The following ABTB3 variants were observed in gnomAD, a reference collection of about 807,000 sequenced individuals.
The protein encoded by ABTB3 is ankyrin repeat- and BTB/POZ domain-containing protein 3.
At chr12:107,487,366 G>A in the ABTB3 span, among the ~76,000 whole-genome samples, 1 of 152,134 alleles carries the variant, frequency 6.6e-6, no homozygotes, top group Non-Finnish European at 1.5e-5. Context: ...CTAAGCTTAC[G>A]GGGTTGGAGG....
chr12:107,631,783 A>T, the ABTB3 span, among the ~76,000 whole-genome samples: 1 of 152,172 alleles, frequency 6.6e-6, no homozygotes, highest in Non-Finnish European at 1.5e-5. Context: ...GAAACCCTGG[A>T]GAGAAAGACA....
chr12:107,556,164 G>C, the ABTB3 span, among the ~76,000 whole-genome samples: 1 of 150,596 alleles, frequency 6.6e-6, no homozygotes, highest in African/African-American at 2.4e-5. Context: ...GTGCGATCTC[G>C]GCTCACCGCA....
chr12:107,401,556 G>A, the ABTB3 span, among the ~76,000 whole-genome samples: 2 of 152,330 alleles, frequency 1.3e-5, no homozygotes, highest in African/African-American at 4.8e-5. Context: ...ACAGTAGTGA[G>A]TGCTCCCATG....
chr12:107,555,118 T>C, the ABTB3 span, among the ~76,000 whole-genome samples: 2 of 152,134 alleles, frequency 1.3e-5, no homozygotes, highest in African/African-American at 4.8e-5. Context: ...GCTTCGAGCA[T>C]CCCAATTTAA....
At chr12:107,357,940 CAT>C in the ABTB3 span, among the ~76,000 whole-genome samples, 5 of 152,248 alleles carry the variant, frequency 3.3e-5, no homozygotes, top group East Asian at 1.9e-4. Flanking sequence ...AAAAAAATTA[CAT>C]GTCTCCAAAA....
chr12:107,436,686 G>C, the ABTB3 span, among the ~76,000 whole-genome samples: 1 of 152,182 alleles, frequency 6.6e-6, no homozygotes, highest in African/African-American at 2.4e-5. Context: ...TATCCAGAGG[G>C]TGAGCGAGTT....
chr12:107,375,665 G>A, the ABTB3 span, among the ~76,000 whole-genome samples: 83 of 152,204 alleles, frequency 5.5e-4, no homozygotes, highest in East Asian at 0.015. Context: ...AGTGATGTTC[G>A]TTACTTACCT....
chr12:107,342,956 C>T, the ABTB3 span, among the ~76,000 whole-genome samples: 1 of 152,102 alleles, frequency 6.6e-6, no homozygotes, highest in Admixed American at 6.5e-5. Context: ...TATGACCTGC[C>T]CCTCCATTGG....
the ABTB3 span, among the ~76,000 whole-genome samples, chr12:107,366,311 C>T: frequency 1.3e-5 from 2 of 152,128 alleles, no homozygotes; most frequent in African/African-American, 2.4e-5. Flanking sequence ...GAGAAAGCAT[C>T]GTACATAAGG....
the ABTB3 span, among the ~76,000 whole-genome samples, chr12:107,590,828 G>A: frequency 1.3e-5 from 2 of 152,290 alleles, no homozygotes; most frequent in Admixed American, 1.3e-4. Context: ...CTGGGAAACA[G>A]GGATTTATTG....
At chr12:107,337,143 TGA>T in the ABTB3 span, among the ~76,000 whole-genome samples, 1 of 152,268 alleles carries the variant, frequency 6.6e-6, no homozygotes, top group Non-Finnish European at 1.5e-5. Flanking sequence ...ATCTTAGAGC[TGA>T]GAGAAGCTTC....
At chr12:107,562,063 A>T in the ABTB3 span, among the ~76,000 whole-genome samples, 1 of 152,178 alleles carries the variant, frequency 6.6e-6, no homozygotes, top group East Asian at 1.9e-4. Flanking sequence ...CCTTGAGTTC[A>T]CTGGGTACTG....
chr12:107,342,049 G>T, the ABTB3 span, among the ~76,000 whole-genome samples: 1 of 152,112 alleles, frequency 6.6e-6, no homozygotes, highest in African/African-American at 2.4e-5. Context: ...CCAGTCTCAG[G>T]TATTTATTAA....
At chr12:107,335,654 C>T in the ABTB3 span, among the ~76,000 whole-genome samples, 1 of 152,130 alleles carries the variant, frequency 6.6e-6, no homozygotes, top group African/African-American at 2.4e-5. Context: ...TCTGGCATCC[C>T]ATGAGGCTCT....
the ABTB3 span, among the ~76,000 whole-genome samples, chr12:107,485,601 A>T: frequency 6.6e-6 from 1 of 152,118 alleles, no homozygotes; most frequent in Non-Finnish European, 1.5e-5. Flanking sequence ...GAAATGAATA[A>T]CCCCAACCTT....
At chr12:107,411,145 C>CA in the ABTB3 span, among the ~76,000 whole-genome samples, 2 of 151,982 alleles carry the variant, frequency 1.3e-5, no homozygotes, top group South Asian at 4.2e-4. Context: ...ACTAAAAATA[C>CA]AAAAAAAATC....
the ABTB3 span, among the ~76,000 whole-genome samples, chr12:107,347,353 C>A: frequency 6.6e-6 from 1 of 152,062 alleles, no homozygotes; most frequent in Admixed American, 6.5e-5. Flanking sequence ...CTTTGAGAAT[C>A]TTTCAGTTAA....
chr12:107,618,065 G>A, the ABTB3 span: 2 of 1,207,676 alleles, frequency 1.7e-6, no homozygotes, highest in Non-Finnish European at 2.3e-6. Flanking sequence ...TCCCAAGCTA[G>A]TGGTCCCCTG....
chr12:107,374,156 T>A, the ABTB3 span, among the ~76,000 whole-genome samples: 1 of 152,206 alleles, frequency 6.6e-6, no homozygotes, highest in Non-Finnish European at 1.5e-5. Context: ...CGGTGCCCTG[T>A]ACCCTCCTGC....
Sources: allele counts gnomAD v4.1 joint callset (sites outside exome capture counted in the v4.1 genomes callset), GRCh38; gene constraint gnomAD v4.1.1; transcripts MANE v1.5; gene names NCBI Gene and HGNC (gene_info 2026-07-23, HGNC 2026-07-21).